Variants in C4orf51 observed in about 807,000 individuals in gnomAD.
C4orf51 encodes chromosome 4 open reading frame 51.
Under a neutral mutation model 25.2 loss-of-function variants are expected in C4orf51, and 25 were observed. The observed-to-expected ratio is 0.99, with a 90% CI of 0.72 to 1.39. C4orf51 has a LOEUF of 1.39. Among genes scored for constraint, C4orf51 ranks in the 40% most tolerant of loss-of-function variants. The probability of loss-of-function intolerance (pLI) is 0.00; values close to 1 mark genes in which losing one functional copy is unlikely to be tolerated. For synonymous variants in C4orf51, 100 were observed against 84.5 expected (o/e 1.18, Z -1.01); for missense variants, 252 against 239.6 (o/e 1.05, Z -0.34).
chr4:145,760,833 G>C (rs1174619385), intron 1 of C4orf51: 2 of 1,203,106 alleles, frequency 1.7e-6, no homozygotes, highest in Non-Finnish European at 2.1e-6. Flanking sequence ...AGGAGTGTTT[G>C]GGTGAGGGGA....
intron 4 of C4orf51, 53 bp downstream of exon 4, chr4:145,729,282 A>G (rs1315432085): frequency 2.2e-6 from 2 of 906,174 alleles, no homozygotes; most frequent in Non-Finnish European, 3.3e-6. Flanking sequence ...CCTTTATTTT[A>G]ATCGTGGTCA....
chr4:145,702,478 A>G (rs1172628065), intron 2 of C4orf51, among the ~76,000 whole-genome samples: 1 of 151,972 alleles, frequency 6.6e-6, no homozygotes, highest in Non-Finnish European at 1.5e-5. Flanking sequence ...AGCCCCCATT[A>G]CTTCAGTCAA....
At chr4:145,688,058 C>A (rs1729285084) in intron 1 of C4orf51, among the ~76,000 whole-genome samples, 1 of 151,330 alleles carries the variant, frequency 6.6e-6, no homozygotes, top group Non-Finnish European at 1.5e-5. Context: ...AAAAAAATAG[C>A]CAGGTGGTGG....
rs148285752 is a variant in C4orf51 at position 145,699,482 on chromosome 4, T to A, written c.307+2850T>A. Among the ~76,000 whole-genome samples the A allele has an allele frequency of 7.3e-3, 1,107 of 152,224 alleles. 11 individuals are homozygous for A. The highest frequency in any genetic ancestry group is 0.025 in the African/African-American group (1,028 of 41,516). On this transcript the variant is annotated intron_variant, in intron 2 of 5. Transcript: ENST00000438731. Reference sequence around the variant, plus strand: ...TCACTATCCGTCAACCTCTTTCTCCTTTCAATCTTGGCGCCACACTGCAGT... The same window carrying A: ...TCACTATCCGTCAACCTCTTTCTCCATTCAATCTTGGCGCCACACTGCAGT...
chr4:145,688,325 G>A (rs765141553), intron 1 of C4orf51, among the ~76,000 whole-genome samples: 8 of 151,970 alleles, frequency 5.3e-5, no homozygotes, highest in Non-Finnish European at 8.8e-5. Context: ...AGAAAATAGA[G>A]GCAATCTAAA....
Position 145,751,982 on chromosome 4 carries a change from C to A in C4orf51, n.168-2225C>A, listed in dbSNP as rs531108980. ...GGTGACTGCTGATGTTCCCTTAAGG[C>A]CCAAGGGCTCTTCAGTCAGCTTGTG... On this transcript the variant is annotated intron_variant and non_coding_transcript_variant, in intron 1 of 1. Transcript: ENST00000508981. 6.6e-5 allele frequency among the ~76,000 whole-genome samples: 10 copies of A among 152,314 alleles called. No individual in the cohort carries two copies. In the South Asian group the frequency reaches 1.9e-3, roughly 28 times the overall value.
intron 1 of C4orf51, among the ~76,000 whole-genome samples, chr4:145,687,012 G>GGC: frequency 1.5e-5 from 1 of 65,050 alleles, no homozygotes; most frequent in South Asian, 5.5e-4. Context: ...TGGGGGGGGC[G>GGC]GTTTCCTTCT....
chr4:145,765,311 T>C lies in C4orf51; in HGVS notation n.167-5677T>C, dbSNP rs1735118822. The C allele has an allele frequency of 2.3e-5, 24 of 1,022,640 alleles. No individual in the cohort carries two copies. The highest frequency in any genetic ancestry group is 5.3e-5 in the East Asian group (2 of 37,954). 63.3% of individuals were successfully genotyped at this position (1,022,640 alleles called of 1,614,324 possible). A position where few individuals can be genotyped will look rare whatever the true frequency, so the allele number is the denominator to read the frequency against. ...CCAGGCACTGTTCCCCATATCTCTG[T>C]GCTAAAAGGAGTTAAATGTACAAAC... On this transcript the variant is annotated intron_variant and non_coding_transcript_variant, in intron 1 of 1. Coordinates refer to the C4orf51 transcript ENST00000510096. This position sits in a 1 kb window ranked among gnomAD's most constrained non-coding sequence, Gnocchi z 4.7.
chr4:145,767,437 T>C (rs1735475954), intron 1 of C4orf51, among the ~76,000 whole-genome samples: 1 of 151,880 alleles, frequency 6.6e-6, no homozygotes, highest in Admixed American at 6.6e-5. Flanking sequence ...CCTGGTGGGG[T>C]GGGGAGGGTG....
In C4orf51 at chr4:145,680,395, A is replaced by G. The variant is rs772669062; in HGVS notation, c.192A>G (p.Gln64=). ...KKQLDKSMCS[Q]FSFRAGQHEP... ...AACTGGACAAGTCCATGTGCAGCCA[A>G]TTTTCTTTTAGAGCAGGACAGCATG... is the stretch of plus-strand genomic sequence containing the variant. Residue 64 remains glutamine, a synonymous_variant, in exon 1 of 6, where the codon CAA becomes CAG. Transcript: ENST00000438731. 5.6e-6 allele frequency: 9 copies of G among 1,613,806 alleles called. No homozygotes were observed. The African/African-American group carries it at 6.7e-5, about 12-fold the overall frequency.
At chr4:145,726,493 C>T (rs1732064876) in intron 2 of C4orf51, among the ~76,000 whole-genome samples, 3 of 152,158 alleles carry the variant, frequency 2.0e-5, no homozygotes, top group Admixed American at 1.3e-4. Flanking sequence ...CTTCCACTTC[C>T]CAGGCTCAGG....
At chr4:145,707,567 C>G (rs567387884) in intron 2 of C4orf51, among the ~76,000 whole-genome samples, 1 of 152,238 alleles carries the variant, frequency 6.6e-6, no homozygotes, top group South Asian at 2.1e-4. Context: ...AGAAATAGAG[C>G]TATTAGAAAG....
At chr4:145,733,605 C>G (rs1198440531), downstream of C4orf51, among the ~76,000 whole-genome samples, 2 of 151,580 alleles carry the variant, frequency 1.3e-5, no homozygotes, top group African/African-American at 4.8e-5. Flanking sequence ...CTTAGGATTT[C>G]TGTTGAATAG....
the C4orf51 span, among the ~76,000 whole-genome samples, chr4:145,778,452 T>TA: frequency 7.2e-4 from 109 of 151,904 alleles, no homozygotes; most frequent in African/African-American, 2.4e-3. Context: ...CTTTTTTTTT[T>TA]AAAAAAGTTA....
intron 2 of C4orf51, among the ~76,000 whole-genome samples, chr4:145,721,661 ACAAGGGAACATTGGCAGC>A: frequency 6.6e-6 from 1 of 152,356 alleles, no homozygotes; most frequent in South Asian, 2.1e-4. Flanking sequence ...GAGACTGGGC[ACAAGGGAACATTGGCAGC>A]CAAGCCTGTT....
At chr4:145,684,205 G>A (rs1016003781) in intron 1 of C4orf51, among the ~76,000 whole-genome samples, 5 of 152,052 alleles carry the variant, frequency 3.3e-5, no homozygotes, top group South Asian at 2.1e-4. Context: ...CCCACTGGCC[G>A]GGCACGGTGG....
rs111271693 is a variant in C4orf51 at position 145,762,300 on chromosome 4, A to C, written n.167-8688A>C. Among the ~76,000 whole-genome samples the C allele has an allele frequency of 1.7e-3, 254 of 152,292 alleles. 1 individual carries two copies. The highest frequency in any genetic ancestry group is 5.8e-3 in the African/African-American group (240 of 41,542). On this transcript the variant is annotated intron_variant and non_coding_transcript_variant, in intron 1 of 1. Transcript: ENST00000510096. This position sits in a 1 kb window ranked among gnomAD's most constrained non-coding sequence, Gnocchi z 4.9. ...ATGGCAGGGGCATGGGAGGAGAAGG[A>C]AGCCCACCCAACGGCCCATCTGCTA...
chr4:145,685,253 G>A (rs774483840), intron 1 of C4orf51, among the ~76,000 whole-genome samples: 2 of 152,016 alleles, frequency 1.3e-5, no homozygotes, highest in African/African-American at 2.4e-5. Flanking sequence ...CCTTGTATTC[G>A]TCCATTTTCA....
At position 145,765,598 on chromosome 4, in the gene C4orf51, C is replaced by G; in HGVS notation, n.167-5390C>G. The G allele has an allele frequency of 6.2e-7, 1 of 1,614,070 alleles. No individual in the cohort carries two copies. Among genetic ancestry groups the G allele is most frequent in the Non-Finnish European group, 8.5e-7 (1 of 1,180,000 alleles). Reference sequence around the variant, plus strand: ...AGTGAGGGCTGGCTCCCAGGCATGACAGAGATGACCAGCAGATTGTTCCCG... The same window carrying G: ...AGTGAGGGCTGGCTCCCAGGCATGAGAGAGATGACCAGCAGATTGTTCCCG... On this transcript the variant is annotated intron_variant and non_coding_transcript_variant, in intron 1 of 1. Transcript: ENST00000510096. The surrounding 1 kb of genome is among the most constrained non-coding windows in gnomAD (Gnocchi z 4.7).
Sources: allele counts gnomAD v4.1 joint callset (sites outside exome capture counted in the v4.1 genomes callset), GRCh38; gene constraint gnomAD v4.1.1; non-coding constraint Gnocchi (gnomAD v3.1); transcripts MANE v1.5; gene names NCBI Gene and HGNC (gene_info 2026-07-23, HGNC 2026-07-21).